The following RANBP17 variants were observed in gnomAD, a reference collection of about 807,000 sequenced individuals.
RANBP17 encodes RAN binding protein 17.
RANBP17 carries 158 observed loss-of-function variants against 141.2 expected under a neutral mutation model. The observed-to-expected ratio is 1.12, with a 90% confidence interval of 0.98 to 1.28. The LOEUF is 1.28. Ranked by LOEUF, RANBP17 falls within the 50% of genes most tolerant of loss-of-function variation. The probability of loss-of-function intolerance (pLI) is 0.00; values close to 1 mark genes in which losing one functional copy is unlikely to be tolerated. For synonymous variants in RANBP17, 430 were observed against 450.0 expected (o/e 0.96, Z 0.56); for missense variants, 1,438 against 1,290.7 (o/e 1.11, Z -1.75).
At chr5:171,042,551 A>G (rs1370189011) in intron 14 of RANBP17, among the ~76,000 whole-genome samples, 1 of 152,174 alleles carries the variant, frequency 6.6e-6, no homozygotes, top group East Asian at 1.9e-4. Flanking sequence ...GTTTGCATCA[A>G]AGAGGAAATT....
intron 18 of RANBP17, among the ~76,000 whole-genome samples, chr5:171,198,791 C>T (rs1255441222): frequency 6.6e-6 from 1 of 152,172 alleles, no homozygotes; most frequent in Non-Finnish European, 1.5e-5. Flanking sequence ...TGTCGTTCCA[C>T]CTCCAACTAA....
chr5:171,130,252 T>A (rs542721813), intron 14 of RANBP17, among the ~76,000 whole-genome samples: 1 of 152,202 alleles, frequency 6.6e-6, no homozygotes, highest in Admixed American at 6.5e-5. Flanking sequence ...TACAAGAAAT[T>A]ATAGTAAGAA....
intron 13 of RANBP17, among the ~76,000 whole-genome samples, chr5:170,966,820 T>G (rs990826526): frequency 2.0e-5 from 3 of 151,998 alleles, no homozygotes; most frequent in African/African-American, 7.3e-5. Context: ...AAAATCTCCT[T>G]AAGCTGATAA....
At chr5:170,961,010 T>C (rs1776109006) in intron 13 of RANBP17, among the ~76,000 whole-genome samples, 1 of 152,236 alleles carries the variant, frequency 6.6e-6, no homozygotes, top group Admixed American at 6.5e-5. Context: ...GCTCCCAAAG[T>C]GCTGGGATTA....
intron 14 of RANBP17, among the ~76,000 whole-genome samples, chr5:170,985,221 T>A (rs577271408): frequency 1.1e-4 from 17 of 152,246 alleles, no homozygotes; most frequent in Admixed American, 9.8e-4. Context: ...TGAACTTTGT[T>A]CTTAAATCCC....
At chr5:171,237,666 G>T (rs1764623609) in intron 22 of RANBP17, among the ~76,000 whole-genome samples, 1 of 152,102 alleles carries the variant, frequency 6.6e-6, no homozygotes, top group South Asian at 2.1e-4. Flanking sequence ...ATTTATTTGT[G>T]TGCTGCTACA....
At chr5:171,257,092 G>T (rs555465524) in intron 24 of RANBP17, among the ~76,000 whole-genome samples, 3 of 152,032 alleles carry the variant, frequency 2.0e-5, no homozygotes, top group Non-Finnish European at 4.4e-5. Flanking sequence ...TATCACCCTG[G>T]TACCAATATC....
At chr5:170,975,175 C>G (rs1319798696) in intron 14 of RANBP17, among the ~76,000 whole-genome samples, 1 of 152,108 alleles carries the variant, frequency 6.6e-6, no homozygotes, top group Non-Finnish European at 1.5e-5. Context: ...AATCATTTTT[C>G]TTCTCACATT....
At position 170,962,131 on chromosome 5, in the gene RANBP17, A is replaced by G. The variant is rs114055299; in HGVS notation, c.1575-6111A>G. 4.0e-3 allele frequency among the ~76,000 whole-genome samples: 603 copies of G among 152,342 alleles called. 7 individuals are homozygous for G. Among genetic ancestry groups the G allele is most frequent in the African/African-American group, 0.014 (577 of 41,584 alleles). ...ACATCTTGGAGCACCAACTAGCTTT[A>G]GGGAACTACCCTGGATTTTTGCTTG... On this transcript the variant is annotated intron_variant, in intron 13 of 27. Transcript: ENST00000523189.
Position 171,224,689 on chromosome 5 carries a change from G to A in RANBP17, c.2422+2849G>A, listed in dbSNP as rs368426664. Reference sequence around the variant, plus strand: ...GATAGGAGAAGTGAAGTGGAGTGGGGGAAGAGACAAAACGTCCAGAGCATT... The same window carrying A: ...GATAGGAGAAGTGAAGTGGAGTGGGAGAAGAGACAAAACGTCCAGAGCATT... On this transcript the variant is annotated intron_variant, in intron 22 of 27. Coordinates refer to ENST00000523189, the MANE Select transcript of RANBP17 (RefSeq NM_022897.5). Among the ~76,000 whole-genome samples the A allele has an allele frequency of 1.3e-3, 196 of 152,282 alleles. 9 individuals are homozygous for A. In the South Asian group the frequency reaches 0.039, roughly 30 times the overall value.
intron 14 of RANBP17, among the ~76,000 whole-genome samples, chr5:171,138,069 C>T (rs1290006064): frequency 1.3e-5 from 2 of 151,884 alleles, no homozygotes; most frequent in African/African-American, 2.4e-5. Context: ...TTAGTATTCT[C>T]ACTTGTAAAA....
At chr5:171,058,464 A>T (rs1783564366) in intron 14 of RANBP17, among the ~76,000 whole-genome samples, 1 of 151,338 alleles carries the variant, frequency 6.6e-6, no homozygotes, top group Non-Finnish European at 1.5e-5. Context: ...TTCCAATTTC[A>T]TCCATGTCCC....
In RANBP17 at chr5:170,951,460, A is replaced by G. The variant is rs183381468; in HGVS notation, c.1469-2137A>G. ...TGCTAAAACATGGGTGGTCCTTGAA[A>G]ACATTATGCTGACTTGAAAGGAGAT... On this transcript the variant is annotated intron_variant, in intron 12 of 27. Coordinates refer to ENST00000523189, the MANE Select transcript of RANBP17 (RefSeq NM_022897.5). Among the ~76,000 whole-genome samples, 66 of 152,252 alleles carry G rather than the reference A, an allele frequency of 4.3e-4. 1 individual carries two copies. The highest frequency in any genetic ancestry group is 4.1e-3 in the Admixed American group (62 of 15,296).
At chr5:171,204,024 T>A (rs1274696971) in intron 19 of RANBP17, among the ~76,000 whole-genome samples, 1 of 151,772 alleles carries the variant, frequency 6.6e-6, no homozygotes, top group Non-Finnish European at 1.5e-5. Context: ...AGGCTTCAGG[T>A]GGTGAAAAAA....
chr5:171,059,281 G>A (rs1018959242), intron 14 of RANBP17, among the ~76,000 whole-genome samples: 1 of 152,110 alleles, frequency 6.6e-6, no homozygotes, highest in Non-Finnish European at 1.5e-5. Flanking sequence ...TTCTTCTAGG[G>A]TTTTTATGGT....
At chr5:171,195,772 T>G (rs896244197) in intron 18 of RANBP17, among the ~76,000 whole-genome samples, 2 of 152,182 alleles carry the variant, frequency 1.3e-5, no homozygotes, top group African/African-American at 4.8e-5. Context: ...TGGAGGATGT[T>G]GGGCAGGCTA....
chr5:171,097,185 T>C (rs1786754538), intron 14 of RANBP17, among the ~76,000 whole-genome samples: 1 of 152,066 alleles, frequency 6.6e-6, no homozygotes, highest in South Asian at 2.1e-4. Context: ...TGTCTCTCTT[T>C]AGCTTGTCCC....
chr5:171,283,157 T>TTAGCCTCC (rs2128038272), intron 25 of RANBP17, among the ~76,000 whole-genome samples: 1 of 152,304 alleles, frequency 6.6e-6, no homozygotes, highest in East Asian at 1.9e-4. Context: ...CTAGGCAGGG[T>TTAGCCTCC]TAGCCTCCTC....
rs1476388061 is a variant in RANBP17, at chr5:171,241,125, T to C, written c.2620T>C (p.Ser874Pro). Reference sequence around the variant, plus strand: ...TTTTGTCAAAATGCTGCTGTCAGTGTCCCACAGTGACTTGCTAGTAAGCAA... The same window carrying C: ...TTTTGTCAAAATGCTGCTGTCAGTGCCCCACAGTGACTTGCTAGTAAGCAA... The part of the protein sequence containing the change: ...QAFVKMLLSV[S>P]HSDLLQYRKL... The change falls in exon 23 of 28, where the codon TCC becomes CCC. Residue 874 changes from serine (S) to proline (P), a missense_variant. Transcript: ENST00000523189. 3 of 1,612,860 alleles carry C rather than the reference T, an allele frequency of 1.9e-6. No individual in the cohort carries two copies. The South Asian group carries it at 3.3e-5, about 18-fold the overall frequency.
Sources: gnomAD v4.1 joint callset for allele counts (sites outside exome capture counted in the v4.1 genomes callset) on GRCh38, gnomAD v4.1.1 for gene constraint, MANE v1.5 for transcripts, NCBI Gene and HGNC (gene_info 2026-07-23, HGNC 2026-07-21) for gene names.